The following SULF1 variants were observed in gnomAD, a reference collection of about 807,000 sequenced individuals.
SULF1 encodes the protein extracellular sulfatase Sulf-1.
SULF1 carries 46 observed loss-of-function variants against 110.5 expected under a neutral mutation model. The ratio of observed to expected loss-of-function variants is 0.42; its 90% CI spans 0.33 to 0.53. SULF1 has a LOEUF of 0.53. SULF1 is among the 20% of genes least tolerant of loss of function. SULF1 has a pLI of 0.12. For synonymous variants in SULF1, 371 were observed against 387.1 expected, an observed-to-expected ratio of 0.96 and a Z score of 0.49; for missense variants, 941 against 1,094.2, an observed-to-expected ratio of 0.86 and a Z score of 1.98.
At chr8:69,510,859 C>G (rs1811508954) in intron 3 of SULF1, among the ~76,000 whole-genome samples, 3 of 151,872 alleles carry the variant, frequency 2.0e-5, no homozygotes, top group Admixed American at 2.0e-4. Flanking sequence ...TCAAGTGATC[C>G]ACCCACCTCA....
chr8:69,651,561 A>G (rs1043425027), intron 22 of SULF1, among the ~76,000 whole-genome samples: 1 of 95,968 alleles, frequency 1.0e-5, no homozygotes, highest in African/African-American at 5.9e-5. Context: ...TAGTGCTTTT[A>G]TCTTTAATGA....
At chr8:69,607,165 C>A (rs1808281500) in intron 13 of SULF1, among the ~76,000 whole-genome samples, 1 of 152,202 alleles carries the variant, frequency 6.6e-6, no homozygotes, top group Admixed American at 6.5e-5. Context: ...TGAAGCCCAG[C>A]AATCTGTGTG....
chr8:69,601,804 G>A lies in SULF1; in HGVS notation c.1036G>A (p.Gly346Ser). The change falls in exon 10 of 23, where the codon GGT (glycine) becomes AGT (serine). Residue 346 changes from glycine (G) to serine (S), a missense_variant. Coordinates refer to ENST00000402687, the MANE Select transcript of SULF1 (RefSeq NM_001128205.2). ...FDIRVPFFIRGPSVEPGSIVP... is the reference protein window; with the variant it reads ...FDIRVPFFIRSPSVEPGSIVP... The stretch of plus-strand genomic sequence containing the variant: ...TATTCGTGTGCCTTTTTTTATTCGT[G>A]GTCCAAGTGTAGAACCAGGATCAAT... The A allele has an allele frequency of 6.2e-7, 1 of 1,610,832 alleles. No individual in the cohort carries two copies. Among genetic ancestry groups the A allele is most frequent in the Non-Finnish European group, 8.5e-7 (1 of 1,178,604 alleles).
At chr8:69,488,644 C>T (rs1809795066), upstream of SULF1, among the ~76,000 whole-genome samples, 1 of 152,070 alleles carries the variant, frequency 6.6e-6, no homozygotes, top group South Asian at 2.1e-4. Flanking sequence ...TATTCAGCCT[C>T]CTCTTCACCC....
At chr8:69,523,707 G>A (rs183798164) in intron 3 of SULF1, among the ~76,000 whole-genome samples, 175 of 152,222 alleles carry the variant, frequency 1.1e-3, no homozygotes, top group African/African-American at 3.6e-3. Context: ...GATAAGGAGG[G>A]GAATTAAGAC....
intron 19 of SULF1, among the ~76,000 whole-genome samples, chr8:69,637,083 A>C (rs1357060827): frequency 1.3e-5 from 2 of 152,234 alleles, no homozygotes; most frequent in African/African-American, 4.8e-5. Flanking sequence ...CTTCAAAACG[A>C]CAATATTTTT....
chr8:69,547,763 CTT>C (rs1232420841), intron 3 of SULF1, among the ~76,000 whole-genome samples: 3 of 152,170 alleles, frequency 2.0e-5, no homozygotes, highest in African/African-American at 7.2e-5. Context: ...AGGCAGGACT[CTT>C]TTCTCATTAT....
chr8:69,539,318 A>G (rs1813698678), intron 3 of SULF1, among the ~76,000 whole-genome samples: 1 of 152,186 alleles, frequency 6.6e-6, no homozygotes, highest in Non-Finnish European at 1.5e-5. Context: ...TTGAGAAACC[A>G]GGGCTCTGTG....
At chr8:69,641,765 A>AT (rs1811492962) in intron 22 of SULF1, among the ~76,000 whole-genome samples, 1 of 152,036 alleles carries the variant, frequency 6.6e-6, no homozygotes, top group East Asian at 1.9e-4. Context: ...AAATAAATAA[A>AT]AAAATAAAGA....
At chr8:69,630,303 T>C (rs1810417996) in intron 19 of SULF1, among the ~76,000 whole-genome samples, 1 of 152,224 alleles carries the variant, frequency 6.6e-6, no homozygotes. Flanking sequence ...TGAGGCCATA[T>C]AGAAGTAATA....
intron 2 of SULF1, among the ~76,000 whole-genome samples, chr8:69,499,533 T>C (rs1301667212): frequency 6.6e-6 from 1 of 152,194 alleles, no homozygotes; most frequent in Non-Finnish European, 1.5e-5. Context: ...ATCCAGGCAA[T>C]CAGTCCTCTG....
intron 3 of SULF1, among the ~76,000 whole-genome samples, chr8:69,537,561 C>T (rs763153952): frequency 6.6e-6 from 1 of 152,028 alleles, no homozygotes; most frequent in Non-Finnish European, 1.5e-5. Context: ...TTAGGGGTAC[C>T]CCAAGAATGT....
At chr8:69,632,082 C>T (rs1810601185) in intron 19 of SULF1, among the ~76,000 whole-genome samples, 1 of 152,192 alleles carries the variant, frequency 6.6e-6, no homozygotes, top group Admixed American at 6.5e-5. Context: ...GCCACCCTGT[C>T]CAGATCAAAT....
chr8:69,636,575 C>T (rs766778885), intron 19 of SULF1, among the ~76,000 whole-genome samples: 1 of 152,014 alleles, frequency 6.6e-6, no homozygotes, highest in Admixed American at 6.6e-5. Flanking sequence ...ATTCAATGAA[C>T]TCTTGGAAAG....
Position 69,589,540 on chromosome 8 carries a change from A to G in SULF1, c.734+399A>G, listed in dbSNP as rs547802716. Among the ~76,000 whole-genome samples the G allele has an allele frequency of 2.6e-5, 4 of 152,334 alleles. No homozygotes were observed. In the East Asian group the frequency reaches 7.7e-4, roughly 29 times the overall value. ...GGACCTCTGGTCTGGTTATAGAAAC[A>G]TGGATTTATTTTCCAGGCGAATACC... On this transcript the variant is annotated intron_variant, in intron 8 of 22. Transcript: ENST00000402687.
chr8:69,507,100 G>C (rs866460791), intron 3 of SULF1, among the ~76,000 whole-genome samples: 1 of 152,154 alleles, frequency 6.6e-6, no homozygotes. Context: ...ATTTGTTTCA[G>C]ATCACCATGC....
chr8:69,503,696 A>G (rs936249392), intron 3 of SULF1, among the ~76,000 whole-genome samples: 1 of 152,226 alleles, frequency 6.6e-6, no homozygotes, highest in Admixed American at 6.5e-5. Flanking sequence ...TGATACTACA[A>G]GAGCACCCTT....
At chr8:69,529,654 T>C (rs1812949616) in intron 3 of SULF1, among the ~76,000 whole-genome samples, 1 of 151,984 alleles carries the variant, frequency 6.6e-6, no homozygotes, top group Non-Finnish European at 1.5e-5. Context: ...CTTACTAGAG[T>C]AGGAGGATCC....
intron 3 of SULF1, among the ~76,000 whole-genome samples, chr8:69,534,621 A>G (rs1456831796): frequency 6.6e-6 from 1 of 151,918 alleles, no homozygotes; most frequent in Non-Finnish European, 1.5e-5. Context: ...TGAAGTAAGC[A>G]TGATCTTTCA....
Sources: gnomAD v4.1 joint callset for allele counts (sites outside exome capture counted in the v4.1 genomes callset) on GRCh38, gnomAD v4.1.1 for gene constraint, MANE v1.5 for transcripts, NCBI Gene and HGNC (gene_info 2026-07-23, HGNC 2026-07-21) for gene names.